The following KHDRBS2 variants were observed in gnomAD, a reference collection of about 807,000 sequenced individuals.
KHDRBS2 encodes KH domain-containing, RNA-binding, signal transduction-associated protein 2.
In KHDRBS2, 26 loss-of-function variants were observed where a neutral mutation model predicts 44.3. The ratio of observed to expected loss-of-function variants is 0.59; its 90% CI spans 0.43 to 0.81. KHDRBS2 has a LOEUF of 0.81. Ranked by LOEUF, KHDRBS2 falls within the 40% of genes least tolerant of loss-of-function variation. The probability of loss-of-function intolerance (pLI) is 0.00; values close to 1 mark genes in which losing one functional copy is unlikely to be tolerated. For missense variants in KHDRBS2, 476 were observed against 433.1 expected, an observed-to-expected ratio of 1.10 and a Z score of -0.88; for synonymous variants, 194 against 151.1, an observed-to-expected ratio of 1.28 and a Z score of -2.08.
intron 7 of KHDRBS2, among the ~76,000 whole-genome samples, chr6:61,724,934 C>T (rs1562038255): frequency 1.3e-5 from 2 of 152,024 alleles, no homozygotes; most frequent in Non-Finnish European, 2.9e-5. Flanking sequence ...TATTCAGGAC[C>T]TGAACTCAGC....
At chr6:61,780,935 G>A (rs1379134108) in intron 6 of KHDRBS2, among the ~76,000 whole-genome samples, 1 of 152,070 alleles carries the variant, frequency 6.6e-6, no homozygotes, top group Non-Finnish European at 1.5e-5. Flanking sequence ...ATCCTATTTA[G>A]CAGGTGTACA....
chr6:61,918,869 T>C (rs1193789561), intron 4 of KHDRBS2, among the ~76,000 whole-genome samples: 1 of 152,000 alleles, frequency 6.6e-6, no homozygotes, highest in Non-Finnish European at 1.5e-5. Context: ...GAATTGAGAC[T>C]AAGTAAGCAA....
chr6:61,697,018 G>T (rs960313671), intron 8 of KHDRBS2, among the ~76,000 whole-genome samples, 177 bp downstream of exon 8: 1 of 152,048 alleles, frequency 6.6e-6, no homozygotes, highest in African/African-American at 2.4e-5. Context: ...GATCAAAATT[G>T]ATCTGTCTAA....
chr6:61,773,668 T>G (rs1158558034), intron 6 of KHDRBS2, among the ~76,000 whole-genome samples: 1 of 151,286 alleles, frequency 6.6e-6, no homozygotes, highest in Non-Finnish European at 1.5e-5. Flanking sequence ...TTTGTCAATT[T>G]TGGCTTTTGT....
chr6:61,779,849 G>A lies in KHDRBS2; in HGVS notation c.811-47085C>T, dbSNP rs192332857. ...CATAAATTCCAATACCACATAGATA[G>A]AATGCATCCAAGCTGGCAATCAAAT... On this transcript the variant is annotated intron_variant, in intron 6 of 8. Coordinates refer to ENST00000281156, the MANE Select transcript of KHDRBS2 (RefSeq NM_152688.4). Among the ~76,000 whole-genome samples the A allele has an allele frequency of 1.7e-3, 263 of 152,024 alleles. 1 individual carries two copies. The highest frequency in any genetic ancestry group is 2.2e-3 in the Non-Finnish European group (148 of 67,988).
chr6:61,906,197 C>T (rs2127347217), intron 4 of KHDRBS2, among the ~76,000 whole-genome samples: 1 of 152,232 alleles, frequency 6.6e-6, no homozygotes, highest in East Asian at 1.9e-4. Flanking sequence ...CTCTTAAATA[C>T]TGTCTAGACT....
At chr6:62,203,335 G>C (rs1827358656) in intron 1 of KHDRBS2, among the ~76,000 whole-genome samples, 1 of 152,112 alleles carries the variant, frequency 6.6e-6, no homozygotes, top group Admixed American at 6.6e-5. Context: ...AATGTTTCAG[G>C]AAAGAGAAGA....
At chr6:61,561,962 C>T in the KHDRBS2 span, among the ~76,000 whole-genome samples, 6 of 152,130 alleles carry the variant, frequency 3.9e-5, no homozygotes, top group Non-Finnish European at 8.8e-5. Flanking sequence ...CCAGTTATTT[C>T]TTGGCTGCTT....
intron 4 of KHDRBS2, among the ~76,000 whole-genome samples, chr6:61,959,158 A>G (rs1768068383): frequency 6.6e-6 from 1 of 152,214 alleles, no homozygotes; most frequent in South Asian, 2.1e-4. Context: ...AGCAGATAAC[A>G]TTGCCTTCTA....
intron 2 of KHDRBS2, among the ~76,000 whole-genome samples, chr6:62,109,243 A>C (rs765146701): frequency 6.6e-6 from 1 of 152,074 alleles, no homozygotes; most frequent in African/African-American, 2.4e-5. Context: ...CCATATGAAC[A>C]TTCTGATCAT....
the KHDRBS2 span, among the ~76,000 whole-genome samples, chr6:61,604,894 C>A: frequency 1.3e-5 from 2 of 152,156 alleles, no homozygotes; most frequent in African/African-American, 4.8e-5. Flanking sequence ...GCCTGGCCTT[C>A]CCACCTCTAT....
intron 7 of KHDRBS2, 150 bp downstream of exon 7, chr6:61,732,532 A>T: frequency 1.6e-6 from 1 of 608,208 alleles, no homozygotes; most frequent in Non-Finnish European, 2.9e-6. Context: ...TAACTCTCAC[A>T]GTCTGGTAAG....
At chr6:61,642,429 G>A in the KHDRBS2 span, among the ~76,000 whole-genome samples, 1 of 151,650 alleles carries the variant, frequency 6.6e-6, no homozygotes, top group Non-Finnish European at 1.5e-5. Flanking sequence ...TCCAAGGCAG[G>A]CGGATTGCTT....
the KHDRBS2 span, among the ~76,000 whole-genome samples, chr6:61,616,740 AG>A: frequency 6.6e-6 from 1 of 152,060 alleles, no homozygotes; most frequent in African/African-American, 2.4e-5. Flanking sequence ...TAAGACTCAA[AG>A]GGGTCAAGTG....
chr6:61,907,234 C>G (rs558490264), intron 4 of KHDRBS2, among the ~76,000 whole-genome samples: 1 of 151,836 alleles, frequency 6.6e-6, no homozygotes, highest in Non-Finnish European at 1.5e-5. Context: ...GATCTTTTGA[C>G]CATTTTAAAC....
intron 2 of KHDRBS2, among the ~76,000 whole-genome samples, chr6:62,106,978 C>T (rs1197443336): frequency 6.6e-6 from 1 of 152,028 alleles, no homozygotes; most frequent in African/African-American, 2.4e-5. Context: ...AAACCCACAG[C>T]CAATATCATA....
chr6:62,253,061 C>G (rs1337552614), intron 1 of KHDRBS2, among the ~76,000 whole-genome samples: 1 of 151,962 alleles, frequency 6.6e-6, no homozygotes, highest in Non-Finnish European at 1.5e-5. Flanking sequence ...TCACCTACCC[C>G]AGAGATTTCT....
chr6:61,658,514 A>G, the KHDRBS2 span, among the ~76,000 whole-genome samples: 1 of 151,968 alleles, frequency 6.6e-6, no homozygotes, highest in Non-Finnish European at 1.5e-5. Flanking sequence ...TAATTAACTT[A>G]TCAATATGTT....
chr6:62,129,764 T>C (rs1355391285), intron 2 of KHDRBS2, among the ~76,000 whole-genome samples: 1 of 152,122 alleles, frequency 6.6e-6, no homozygotes, highest in African/African-American at 2.4e-5. Flanking sequence ...TCTATAGCCA[T>C]ATGTGGCTAG....
Sources: gnomAD v4.1 joint callset for allele counts (sites outside exome capture counted in the v4.1 genomes callset) on GRCh38, gnomAD v4.1.1 for gene constraint, MANE v1.5 for transcripts, NCBI Gene and HGNC (gene_info 2026-07-23, HGNC 2026-07-21) for gene names.